Variants in ABCA1 observed in about 807,000 individuals in gnomAD.
The protein encoded by ABCA1 is phospholipid-transporting ATPase ABCA1.
In ABCA1, 133 loss-of-function variants were observed where a neutral mutation model predicts 262.5. The ratio of observed to expected loss-of-function variants is 0.51; its 90% CI spans 0.44 to 0.59. The LOEUF is 0.59. Ranked by LOEUF, ABCA1 falls within the 20% of genes least tolerant of loss-of-function variation. The pLI is 0.00. For synonymous variants in ABCA1, 1,022 were observed against 1,043.5 expected (o/e 0.98, Z 0.40); for missense variants, 2,452 against 2,777.5 (o/e 0.88, Z 2.63).
At chr9:104,836,905 C>T in intron 11 of ABCA1, 75 bp downstream of exon 11, 1 of 1,190,136 alleles carries the variant, frequency 8.4e-7, no homozygotes, top group South Asian at 1.2e-5. Flanking sequence ...ACCTCACTCA[C>T]ACCTGGGAAA....
intron 2 of ABCA1, among the ~76,000 whole-genome samples, chr9:104,901,124 C>T (rs1840630165): frequency 6.6e-6 from 1 of 152,228 alleles, no homozygotes; most frequent in Admixed American, 6.5e-5. Flanking sequence ...TGCAGGATTC[C>T]TTCCCTGGCT....
In ABCA1 at chr9:104,809,584, A is replaced by G. The variant is rs1347139457; in HGVS notation, c.4176-20T>C. On this transcript the variant is annotated intron_variant, in intron 29 of 49. Coordinates refer to ENST00000374736, the MANE Select transcript of ABCA1 (RefSeq NM_005502.4). ...TCATTGCTGTGGGTACATGAGAGGC[A>G]GCCAGCTTAGTAATTCATTAAAACC... 1 of 1,596,184 alleles carries G rather than the reference A, an allele frequency of 6.3e-7. No homozygotes were observed. Among genetic ancestry groups the G allele is most frequent in the African/African-American group, 1.3e-5 (1 of 74,622 alleles).
intron 37 of ABCA1, 74 bp downstream of exon 37, chr9:104,798,347 C>T: frequency 3.9e-6 from 6 of 1,527,152 alleles, no homozygotes; most frequent in Admixed American, 1.7e-5. Context: ...ATAGCCAGAG[C>T]TCTTTCTTTC....
chr9:104,800,679 G>A, intron 34 of ABCA1, 95 bp from the exon 35 acceptor site: 2 of 1,046,484 alleles, frequency 1.9e-6, no homozygotes, highest in Non-Finnish European at 3.0e-6. Flanking sequence ...ACGGCCCTGT[G>A]AAGAGCAATG....
At chr9:104,838,421 AAC>A (rs1349864686) in intron 9 of ABCA1, among the ~76,000 whole-genome samples, 1 of 151,270 alleles carries the variant, frequency 6.6e-6, no homozygotes, top group Non-Finnish European at 1.5e-5. Flanking sequence ...CATCCTGGCT[AAC>A]ACAGTGAAAC....
Position 104,818,697 on chromosome 9 carries a change from C to G in ABCA1, c.3428G>C (p.Arg1143Thr). The G allele has an allele frequency of 6.2e-7, 1 of 1,613,478 alleles. No homozygotes were observed. Among genetic ancestry groups the G allele is most frequent in the Non-Finnish European group, 8.5e-7 (1 of 1,180,038 alleles). The change falls in exon 23 of 50, where the codon AGA becomes ACA. Residue 1143 changes from arginine (R) to threonine (T), a missense_variant. By Grantham distance (71) the Arg-to-Thr change is moderately conservative. Around this residue, in one of 4 missense-constraint regions of ABCA1, gnomAD observed 665 missense variants for 727.3 expected, o/e 0.91. Coordinates refer to ENST00000374736, the MANE Select transcript of ABCA1 (RefSeq NM_005502.4). The part of the protein sequence containing the change: ...KDVESSLSSC[R>T]NSSSTVSYLK... ...GTATGACACAGTGCTACTACTGTTTCTGCAGGAACTGAGGGAGGATTCCAC... is the reference window on the plus strand; with the variant it reads ...GTATGACACAGTGCTACTACTGTTTGTGCAGGAACTGAGGGAGGATTCCAC...
At chr9:104,831,188 ACCCTTACCAAGC>A (rs1833284705) in intron 13 of ABCA1, 87 bp from the exon 14 acceptor site, 11 of 1,158,426 alleles carry the variant, frequency 9.5e-6, no homozygotes, top group Admixed American at 2.8e-5. Context: ...AAACCCTACT[ACCCTTACCAAGC>A]CCCTTTTTCT....
At chr9:104,866,908 T>A (rs1837145979) in intron 5 of ABCA1, among the ~76,000 whole-genome samples, 1 of 152,048 alleles carries the variant, frequency 6.6e-6, no homozygotes, top group South Asian at 2.1e-4. Flanking sequence ...AGGGCCAGGG[T>A]TTTTAATTCC....
chr9:104,844,269 C>G (rs1448375626), intron 8 of ABCA1, among the ~76,000 whole-genome samples: 4 of 150,052 alleles, frequency 2.7e-5, no homozygotes, highest in Non-Finnish European at 5.9e-5. Context: ...CATTCTCCCC[C>G]TGGAAGAACC....
At chr9:104,813,882 G>C (rs1831495939) in intron 27 of ABCA1, among the ~76,000 whole-genome samples, 1 of 152,198 alleles carries the variant, frequency 6.6e-6, no homozygotes, top group African/African-American at 2.4e-5. Context: ...GGGTTCAGAG[G>C]ATTGAGGCAC....
intron 24 of ABCA1, 28 bp from the exon 25 acceptor site, chr9:104,816,373 T>G (rs1333845046): frequency 6.2e-7 from 1 of 1,608,040 alleles, no homozygotes; most frequent in Non-Finnish European, 8.5e-7. Context: ...CAAAGATGGC[T>G]CAATCAACTC....
chr9:104,870,199 A>G (rs1029956840), intron 5 of ABCA1, among the ~76,000 whole-genome samples: 3 of 152,252 alleles, frequency 2.0e-5, no homozygotes, highest in African/African-American at 7.2e-5. Context: ...CAAATAATAT[A>G]AACTTGTATT....
chr9:104,834,406 A>G (rs1030055377), intron 11 of ABCA1, among the ~76,000 whole-genome samples: 1 of 149,702 alleles, frequency 6.7e-6, no homozygotes, highest in Non-Finnish European at 1.5e-5. Flanking sequence ...GAAGGTATGT[A>G]TGTATTTTTG....
intron 1 of ABCA1, among the ~76,000 whole-genome samples, chr9:104,910,316 T>C (rs867810552): frequency 5.9e-5 from 9 of 152,284 alleles, no homozygotes; most frequent in African/African-American, 1.4e-4. Flanking sequence ...TGCAATCTTA[T>C]AGACAGAGAA....
chr9:104,866,559 C>A (rs1157393052), intron 5 of ABCA1, among the ~76,000 whole-genome samples: 2 of 151,910 alleles, frequency 1.3e-5, no homozygotes, highest in African/African-American at 2.4e-5. Context: ...TGGCTCATTG[C>A]AACCTCCAAA....
chr9:104,898,137 A>G (rs1840367377), intron 2 of ABCA1, among the ~76,000 whole-genome samples: 1 of 152,192 alleles, frequency 6.6e-6, no homozygotes, highest in African/African-American at 2.4e-5. Context: ...AAAATGGTCC[A>G]TGTATATGTA....
At chr9:104,792,472 T>C (rs769863533) in intron 42 of ABCA1, among the ~76,000 whole-genome samples, 7 of 152,188 alleles carry the variant, frequency 4.6e-5, no homozygotes, top group Non-Finnish European at 8.8e-5. Context: ...AAACTCAAAA[T>C]CAACCATTTA....
intron 14 of ABCA1, among the ~76,000 whole-genome samples, chr9:104,830,424 T>C (rs1833186357): frequency 6.6e-6 from 1 of 152,144 alleles, no homozygotes; most frequent in South Asian, 2.1e-4. Flanking sequence ...GTGCAGTGGC[T>C]CACACCTGTA....
At chr9:104,918,358 T>G (rs10512335) in intron 1 of ABCA1, among the ~76,000 whole-genome samples, 13,469 of 152,188 alleles carry the variant, frequency 0.089, 777 homozygotes, top group Admixed American at 0.19. Flanking sequence ...GAAAACCAGC[T>G]ATAGTTCCTT....
Sources: gnomAD v4.1 joint callset for allele counts (sites outside exome capture counted in the v4.1 genomes callset) on GRCh38, gnomAD v4.1.1 for gene constraint, gnomAD v4.1.1 regional missense constraint, MANE v1.5 for transcripts, NCBI Gene and HGNC (gene_info 2026-07-23, HGNC 2026-07-21) for gene names.